STK31: variants seen among roughly 807,000 people sequenced by gnomAD.
The protein encoded by STK31 is serine/threonine-protein kinase 31.
STK31 carries 89 observed loss-of-function variants against 129.7 expected under a neutral mutation model. The observed-to-expected ratio is 0.69, with a 90% CI of 0.58 to 0.82. The LOEUF is 0.82. STK31 is among the 40% of genes least tolerant of loss of function. The probability of loss-of-function intolerance (pLI) is 0.00; values close to 1 mark genes in which losing one functional copy is unlikely to be tolerated. For missense variants in STK31, 1,187 were observed against 1,176.4 expected, an observed-to-expected ratio of 1.01 and a Z score of -0.13; for synonymous variants, 448 against 395.3, an observed-to-expected ratio of 1.13 and a Z score of -1.58.
intron 10 of STK31, among the ~76,000 whole-genome samples, chr7:23,760,041 G>C (rs149957991): frequency 3.3e-4 from 50 of 152,312 alleles, no homozygotes; most frequent in African/African-American, 7.2e-4. Flanking sequence ...TTGTTTGTGT[G>C]TGTGAGTAGG....
Position 23,729,232 on chromosome 7 carries a change from G to T in STK31, c.466G>T (p.Val156Phe). 1 of 1,600,396 alleles carries T rather than the reference G, an allele frequency of 6.2e-7. No homozygotes were observed. Among genetic ancestry groups the T allele is most frequent in the Non-Finnish European group, 8.5e-7 (1 of 1,176,154 alleles). The part of the protein sequence containing the change: ...WGLHIPSDQE[V>F]TQFDQGTTFL... ...ACTACACATTCCTTCTGATCAAGAA[G>T]TTACCCAGTTTGATCAGGCAAGTCA... The change falls in exon 6 of 24, where the codon GTT becomes TTT. Residue 156 changes from valine (V) to phenylalanine (F), a missense_variant. Physicochemically the swap from Val to Phe is conservative, Grantham distance 50 (BLOSUM62 -1). Coordinates refer to ENST00000355870, the MANE Select transcript of STK31 (RefSeq NM_031414.5).
intron 22 of STK31, among the ~76,000 whole-genome samples, chr7:23,801,250 A>G (rs1319327548): frequency 6.6e-6 from 1 of 152,250 alleles, no homozygotes; most frequent in East Asian, 1.9e-4. Flanking sequence ...AGCCATTCTC[A>G]TAGGTGTGTG....
chr7:23,738,783 T>A (rs911057111), intron 8 of STK31, among the ~76,000 whole-genome samples: 4 of 152,094 alleles, frequency 2.6e-5, no homozygotes, highest in Admixed American at 6.6e-5. Context: ...TTCGAACTCC[T>A]CAGGTGATCC....
rs1266784188 is a variant in STK31 at position 23,832,323 on chromosome 7, G to A, written c.3017G>A (p.Cys1006Tyr). The change falls in exon 24 of 24, where the codon TGT (cysteine) becomes TAT (tyrosine). Residue 1006 changes from cysteine (C) to tyrosine (Y), a missense_variant. Physicochemically the swap from Cys to Tyr is radical, Grantham distance 194. This residue lies in a region of STK31 where 975 missense variants were observed against 934.9 expected (regional missense o/e 1.04). Coordinates refer to ENST00000355870, the MANE Select transcript of STK31 (RefSeq NM_031414.5). Reference sequence around the variant, plus strand: ...ATAAAGACGGAGAACTTGGATAAATGTATGGAGAAGACAAGAAATGGTGAA... The same window carrying A: ...ATAAAGACGGAGAACTTGGATAAATATATGGAGAAGACAAGAAATGGTGAA... ...EEIKTENLDK[C>Y]MEKTRNGEAN... 3.1e-6 allele frequency: 5 copies of A among 1,613,204 alleles called. No individual in the cohort carries two copies. Among genetic ancestry groups the A allele is most frequent in the African/African-American group, 1.3e-5 (1 of 74,860 alleles).
chr7:23,742,223 A>G (rs970353219), intron 8 of STK31, among the ~76,000 whole-genome samples: 11 of 152,184 alleles, frequency 7.2e-5, no homozygotes, highest in Admixed American at 1.3e-4. Context: ...GGGGCTAGAG[A>G]GAATGAGTCA....
At chr7:23,767,028 A>G (rs1401978187) in intron 11 of STK31, among the ~76,000 whole-genome samples, 4 of 152,086 alleles carry the variant, frequency 2.6e-5, no homozygotes, top group African/African-American at 4.8e-5. Flanking sequence ...TGCATTTTGT[A>G]TGTCAAAGAT....
chr7:23,785,426 T>A lies in STK31; in HGVS notation c.2149-52T>A, dbSNP rs2128110664. 2.5e-6 allele frequency: 4 copies of A among 1,587,000 alleles called. No homozygotes were observed. The East Asian group carries it at 9.1e-5, about 36-fold the overall frequency. ...TGTAACTAATTATTTTGATGATTTTTAAGTGCTGGGATTGTTTGGATTCTT... is the reference window on the plus strand; with the variant it reads ...TGTAACTAATTATTTTGATGATTTTAAAGTGCTGGGATTGTTTGGATTCTT... On this transcript the variant is annotated intron_variant, in intron 17 of 23. Coordinates refer to ENST00000355870, the MANE Select transcript of STK31 (RefSeq NM_031414.5).
At chr7:23,757,922 G>A (rs10231702) in intron 10 of STK31, among the ~76,000 whole-genome samples, 63,690 of 151,894 alleles carry the variant, frequency 0.42, 13,675 homozygotes, top group Admixed American at 0.52. Flanking sequence ...AGATTAGGGA[G>A]TGGTGATGAT....
chr7:23,809,516 C>T (rs1792951061), intron 22 of STK31, among the ~76,000 whole-genome samples: 2 of 152,092 alleles, frequency 1.3e-5, no homozygotes. Flanking sequence ...GGTTTCGGGA[C>T]CCCCACATAT....
At chr7:23,760,019 G>T (rs1365581191) in intron 10 of STK31, among the ~76,000 whole-genome samples, 2 of 152,148 alleles carry the variant, frequency 1.3e-5, no homozygotes, top group African/African-American at 4.8e-5. Context: ...GTCACCTATT[G>T]TTGGGAGGTA....
chr7:23,821,411 G>A (rs112550668), intron 23 of STK31, among the ~76,000 whole-genome samples: 24,759 of 152,082 alleles, frequency 0.16, 2,039 homozygotes, highest in East Asian at 0.22. Flanking sequence ...TTTCTCTGAT[G>A]ATTAGTGATG....
chr7:23,827,555 C>T (rs1313994107), intron 23 of STK31, among the ~76,000 whole-genome samples: 7 of 152,220 alleles, frequency 4.6e-5, no homozygotes, highest in Non-Finnish European at 1.0e-4. Flanking sequence ...CCTCCTTTAG[C>T]TTGGAGTAGT....
In STK31 at chr7:23,819,240, CAT is replaced by C. The variant is rs761413851; in HGVS notation, c.2829+4031_2829+4032del. Among the ~76,000 whole-genome samples the C allele has an allele frequency of 3.8e-3, 575 of 152,220 alleles. 4 individuals are homozygous for C. Among genetic ancestry groups the C allele is most frequent in the Middle Eastern group, 0.021 (6 of 292 alleles). On this transcript the variant is annotated intron_variant, in intron 23 of 23. Coordinates refer to ENST00000355870, the MANE Select transcript of STK31 (RefSeq NM_031414.5). ...AACTATCTTTAAATGTTCTTAAAAA[CAT>C]ATTCTGTAGAGTACAGACATTGGCA...
chr7:23,765,516 A>G (rs1186876009), intron 11 of STK31, among the ~76,000 whole-genome samples: 1 of 150,032 alleles, frequency 6.7e-6, no homozygotes, highest in African/African-American at 2.4e-5. Flanking sequence ...TCTGTTTATC[A>G]TCGTTTCTTT....
At chr7:23,712,076 T>C in intron 1 of STK31, 23 bp from the exon 2 acceptor site, 1 of 1,566,688 alleles carries the variant, frequency 6.4e-7, no homozygotes. Flanking sequence ...ATTATTGTAA[T>C]CTAATTTAAG....
At chr7:23,710,097 A>G, upstream of STK31, 1 of 957,942 alleles carries the variant, frequency 1.0e-6, no homozygotes. Flanking sequence ...GGTCGGCAGC[A>G]GCCAGCGTCA....
intron 10 of STK31, 38 bp from the exon 11 acceptor site, chr7:23,762,763 A>T (rs770302049): frequency 6.2e-7 from 1 of 1,601,504 alleles, no homozygotes; most frequent in East Asian, 2.3e-5. Flanking sequence ...AAAAGACCTG[A>T]TGTATTAATG....
At position 23,773,353 on chromosome 7, in the gene STK31, C is replaced by T. The variant is rs561536989; in HGVS notation, c.1965+1075C>T. Among the ~76,000 whole-genome samples the T allele has an allele frequency of 2.6e-5, 4 of 152,180 alleles. No individual in the cohort carries two copies. The South Asian group carries it at 8.3e-4, about 32-fold the overall frequency. ...TGATGGTTTCCAGTTTCATCCTTGTCCCTGCAAAGAACACGAACTCGTCCT... is the reference window on the plus strand; with the variant it reads ...TGATGGTTTCCAGTTTCATCCTTGTTCCTGCAAAGAACACGAACTCGTCCT... On this transcript the variant is annotated intron_variant, in intron 15 of 23. Coordinates refer to ENST00000355870, the MANE Select transcript of STK31 (RefSeq NM_031414.5).
chr7:23,786,759 A>G (rs1385384160), intron 19 of STK31, 79 bp from the exon 20 acceptor site: 9 of 1,539,486 alleles, frequency 5.8e-6, no homozygotes, highest in Admixed American at 2.0e-5. Context: ...AAGAAAAATT[A>G]TCCCATAGAA....
Sources: allele counts gnomAD v4.1 joint callset (sites outside exome capture counted in the v4.1 genomes callset), GRCh38; gene constraint gnomAD v4.1.1; regional missense constraint gnomAD v4.1.1; transcripts MANE v1.5; gene names NCBI Gene and HGNC (gene_info 2026-07-23, HGNC 2026-07-21).